WAC: variants seen among roughly 807,000 people sequenced by gnomAD.
WAC encodes WW domain containing adaptor with coiled-coil, also known as WW domain-containing adapter protein with coiled-coil.
A neutral mutation model predicts 79.6 loss-of-function variants in WAC; 11 were observed. The observed-to-expected ratio is 0.14, with a 90% CI of 0.09 to 0.23. The LOEUF is 0.23. Among genes scored for constraint, WAC ranks in the 10% least tolerant of loss-of-function variants. WAC has a pLI of 1.00. For missense variants in WAC, 728 were observed against 773.5 expected, an observed-to-expected ratio of 0.94 and a Z score of 0.70; for synonymous variants, 304 against 276.9, an observed-to-expected ratio of 1.10 and a Z score of -0.97.
chr10:28,590,311 CAAAA>C (rs34562281), intron 5 of WAC, among the ~76,000 whole-genome samples: 1,800 of 103,332 alleles, frequency 0.017, 11 homozygotes, highest in Middle Eastern at 0.057. Flanking sequence ...GATGCTATCT[CAAAA>C]AAAAAAAAAA....
intron 3 of WAC, among the ~76,000 whole-genome samples, chr10:28,547,380 C>G (rs551213360): frequency 6.6e-6 from 1 of 151,990 alleles, no homozygotes; most frequent in African/African-American, 2.4e-5. Context: ...ACTAAAAATA[C>G]AAAAATTAGC....
In WAC at chr10:28,612,377, T is replaced by TC. The variant is rs528131025; in HGVS notation, c.1437+456dup. Among the ~76,000 whole-genome samples, 53 of 152,322 alleles carry TC rather than the reference T, an allele frequency of 3.5e-4. No individual in the cohort carries two copies. The East Asian group carries it at 6.8e-3, about 19-fold the overall frequency. Reference sequence around the variant, plus strand: ...TTTAATAGATGAGAAAATCAAACTCTCAGTTAAGTTTTTGTGGTAGAGTCA... The same window carrying TC: ...TTTAATAGATGAGAAAATCAAACTCTCCAGTTAAGTTTTTGTGGTAGAGTCA... On this transcript the variant is annotated intron_variant, in intron 10 of 13. Coordinates refer to ENST00000354911, the MANE Select transcript of WAC (RefSeq NM_016628.5).
chr10:28,597,566 CT>C lies in WAC; in HGVS notation c.919+1526del, dbSNP rs558299250. Among the ~76,000 whole-genome samples, 53 of 152,190 alleles carry C rather than the reference CT, an allele frequency of 3.5e-4. No individual in the cohort carries two copies. In the East Asian group the frequency reaches 6.8e-3, roughly 19 times the overall value. On this transcript the variant is annotated intron_variant, in intron 7 of 13. Coordinates refer to ENST00000354911, the MANE Select transcript of WAC (RefSeq NM_016628.5). ...TATCAGCATCTCAGCCTTTTTTCCT[CT>C]GTTTGGTTCTTTTTCTTGTTAACCA...
chr10:28,563,840 TC>T (rs1200767451), intron 3 of WAC, among the ~76,000 whole-genome samples: 1 of 149,284 alleles, frequency 6.7e-6, no homozygotes, highest in African/African-American at 2.5e-5. Context: ...GACCTCGTGA[TC>T]CGCTGCCTTG....
At position 28,616,176 on chromosome 10, in the gene WAC, C is replaced by T. The variant is rs995643474; in HGVS notation, c.1560C>T (p.Ser520=). Reference sequence around the variant, plus strand: ...CACATTCAATTCTGTTTTCTAGTAGCCAGAGAAGTCCATCACCTGGTCCCA... The same window carrying T: ...CACATTCAATTCTGTTTTCTAGTAGTCAGAGAAGTCCATCACCTGGTCCCA... ...VSPRSLQRSS[S]QRSPSPGPNH... is the part of the protein sequence containing the mutation. Residue 520 remains serine (S), a synonymous_variant, in exon 12 of 14, where the codon AGC becomes AGT. Coordinates refer to ENST00000354911, the MANE Select transcript of WAC (RefSeq NM_016628.5). 2 of 1,590,142 alleles carry T rather than the reference C, an allele frequency of 1.3e-6. No individual in the cohort carries two copies. The highest frequency in any genetic ancestry group is 1.7e-6 in the Non-Finnish European group (2 of 1,164,738).
chr10:28,611,164 T>C (rs1841222087), intron 9 of WAC: 3 of 842,182 alleles, frequency 3.6e-6, no homozygotes, highest in Non-Finnish European at 5.0e-6. Context: ...AAACATTGCA[T>C]GTATTTGAAG....
intron 6 of WAC, among the ~76,000 whole-genome samples, chr10:28,592,112 T>G (rs1840122812): frequency 6.6e-6 from 1 of 152,176 alleles, no homozygotes; most frequent in South Asian, 2.1e-4. Flanking sequence ...TGTATATAAT[T>G]TTTTTAATGG....
At chr10:28,568,473 C>T (rs1443808638) in intron 3 of WAC, among the ~76,000 whole-genome samples, 3 of 152,000 alleles carry the variant, frequency 2.0e-5, no homozygotes, top group Non-Finnish European at 4.4e-5. Flanking sequence ...CTCCACCTCC[C>T]GGGTTCAAGC....
chr10:28,550,038 C>T (rs1362574703), intron 3 of WAC, among the ~76,000 whole-genome samples: 1 of 152,028 alleles, frequency 6.6e-6, no homozygotes, highest in African/African-American at 2.4e-5. Flanking sequence ...TGGTGGCCAG[C>T]ACCTGTAATC....
At position 28,583,437 on chromosome 10, in the gene WAC, A is replaced by G; in HGVS notation, c.313A>G (p.Ser105Gly). ...YSPQENSHNH[S>G]ALHSSNSHSS... The stretch of plus-strand genomic sequence containing the variant: ...TCCACAAGAAAATTCACACAACCAC[A>G]GTGCTCTTCATAGTTCAAATTCACA... Residue 105 changes from serine (S) to glycine (G), a missense_variant, in exon 4 of 14, where the codon AGT (serine) becomes GGT (glycine). Ser to Gly is a moderately conservative substitution (Grantham distance 56). This residue lies in a region of WAC where 648 missense variants were observed against 661.5 expected (regional missense o/e 0.98). Coordinates refer to ENST00000354911, the MANE Select transcript of WAC (RefSeq NM_016628.5). The G allele has an allele frequency of 6.3e-7, 1 of 1,595,948 alleles. No individual in the cohort carries two copies. Among genetic ancestry groups the G allele is most frequent in the Non-Finnish European group, 8.5e-7 (1 of 1,173,474 alleles).
chr10:28,587,568 G>A (rs1839884625), intron 4 of WAC, among the ~76,000 whole-genome samples: 2 of 152,190 alleles, frequency 1.3e-5, no homozygotes, highest in Admixed American at 6.5e-5. Context: ...AACTTTAAAT[G>A]TTTGCAGGCC....
At chr10:28,588,228 C>G (rs1018605913) in intron 4 of WAC, among the ~76,000 whole-genome samples, 2 of 152,104 alleles carry the variant, frequency 1.3e-5, no homozygotes, top group Admixed American at 1.3e-4. Context: ...GAAGAACTTC[C>G]TGAATTTGGC....
chr10:28,617,788 A>G lies in WAC; in HGVS notation c.1874+4A>G. ...AAGCAACTTTGCGAGAGCAAAGGTA[A>G]GTCTTTCACTGAAATATATTTTTAT... On this transcript the variant is annotated splice_donor_region_variant and intron_variant, in intron 13 of 13. Transcript: ENST00000354911. 1.3e-6 allele frequency: 2 copies of G among 1,575,610 alleles called. No homozygotes were observed. Among genetic ancestry groups the G allele is most frequent in the Non-Finnish European group, 8.6e-7 (1 of 1,169,152 alleles).
intron 3 of WAC, among the ~76,000 whole-genome samples, chr10:28,544,441 G>T (rs921654768): frequency 6.6e-6 from 1 of 152,130 alleles, no homozygotes; most frequent in Non-Finnish European, 1.5e-5. Flanking sequence ...TAATTTCTGA[G>T]TGTTTGTGTC....
chr10:28,583,745 G>A (rs2132631888), intron 4 of WAC, among the ~76,000 whole-genome samples: 1 of 152,154 alleles, frequency 6.6e-6, no homozygotes, highest in East Asian at 1.9e-4. Flanking sequence ...ACTTAATTAG[G>A]ATTCCTGTAC....
In WAC at chr10:28,602,261, A is replaced by AAT. The variant is rs1246982710; in HGVS notation, c.920-5924_920-5923insTA. ...AAGTTGCTTATCTTTTGTGTGTATT[A>AAT]ACATGAAGATTTTCTCAGTTGAATA... On this transcript the variant is annotated intron_variant, in intron 7 of 13. Coordinates refer to ENST00000354911, the MANE Select transcript of WAC (RefSeq NM_016628.5). Among the ~76,000 whole-genome samples the AAT allele has an allele frequency of 3.9e-5, 6 of 152,250 alleles. No homozygotes were observed. In the East Asian group the frequency reaches 1.2e-3, roughly 29 times the overall value.
At chr10:28,594,374 G>T (rs1293633592) in intron 6 of WAC, among the ~76,000 whole-genome samples, 1 of 152,130 alleles carries the variant, frequency 6.6e-6, no homozygotes, top group Non-Finnish European at 1.5e-5. Context: ...CCTCATTGCA[G>T]GTAGAAACTG....
Position 28,620,790 on chromosome 10 carries a change from T to C in WAC, c.*1184T>C, listed in dbSNP as rs143932275. 1 of 152,372 alleles carries C rather than the reference T, an allele frequency of 6.6e-6. No homozygotes were observed. Among genetic ancestry groups the C allele is most frequent in the African/African-American group, 2.4e-5 (1 of 41,592 alleles). 9.4% of individuals were successfully genotyped at this position (152,372 alleles called of 1,614,324 possible). A position where few individuals can be genotyped will look rare whatever the true frequency, so the allele number is the denominator to read the frequency against. ...TTAAACCCTGGTTTACCTGTCTTGC[T>C]ATTATGACATTTCATTTGGAAGGAT... On this transcript the variant is annotated 3_prime_UTR_variant, in exon 14 of 14. Coordinates refer to ENST00000354911, the MANE Select transcript of WAC (RefSeq NM_016628.5).
chr10:28,568,707 C>T (rs965521741), intron 3 of WAC, among the ~76,000 whole-genome samples: 4 of 152,120 alleles, frequency 2.6e-5, no homozygotes, highest in East Asian at 3.9e-4. Flanking sequence ...CCACACCCCA[C>T]GACAGGCCCT....
Sources: allele counts gnomAD v4.1 joint callset (sites outside exome capture counted in the v4.1 genomes callset), GRCh38; gene constraint gnomAD v4.1.1; regional missense constraint gnomAD v4.1.1; transcripts MANE v1.5; gene names NCBI Gene and HGNC (gene_info 2026-07-23, HGNC 2026-07-21).